The following ANLN variants were observed in gnomAD, a reference collection of about 807,000 sequenced individuals.
ANLN encodes the protein anillin, actin binding protein.
ANLN carries 59 observed loss-of-function variants against 135.1 expected under a neutral mutation model. The ratio of observed to expected loss-of-function variants is 0.44; its 90% CI spans 0.35 to 0.54. The LOEUF is 0.54. Ranked by LOEUF, ANLN falls within the 20% of genes least tolerant of loss-of-function variation. The probability of loss-of-function intolerance (pLI) is 0.00; values close to 1 mark genes in which losing one functional copy is unlikely to be tolerated. For missense variants in ANLN, 1,182 were observed against 1,340.0 expected (o/e 0.88, Z 1.84); for synonymous variants, 406 against 456.4 (o/e 0.89, Z 1.41).
chr7:36,411,008 G>A (rs370025052), intron 6 of ANLN, 51 bp from the exon 7 acceptor site: 73 of 1,499,762 alleles, frequency 4.9e-5, no homozygotes, highest in Middle Eastern at 1.8e-4. Context: ...GTGTTTGGAT[G>A]TTAAACATGC....
chr7:36,425,326 G>A (rs897959677), intron 17 of ANLN, among the ~76,000 whole-genome samples: 4 of 132,230 alleles, frequency 3.0e-5, no homozygotes, highest in Non-Finnish European at 4.7e-5. Context: ...ACGGAGTCTC[G>A]CTCTGTTGCC....
In ANLN at chr7:36,417,094, G is replaced by A. The variant is rs772690246; in HGVS notation, c.1537G>A (p.Glu513Lys). Residue 513 changes from glutamate (E) to lysine (K), a missense_variant, in exon 9 of 24, where the codon GAA (glutamate) becomes AAA (lysine). This residue lies in a region of ANLN where 1,022 missense variants were observed against 1,134.0 expected (regional missense o/e 0.90). Transcript: ENST00000265748. ...STEPKGFTEC[E>K]MTKSSPLKIT... ...AACATTTTTAGGTTTCACTGAATGC[G>A]AAATGACGAAATCTAGCCCTTTGAA... 10 of 1,599,140 alleles carry A rather than the reference G, an allele frequency of 6.3e-6. No individual in the cohort carries two copies. The highest frequency in any genetic ancestry group is 2.3e-5 in the South Asian group (2 of 87,812).
intron 15 of ANLN, among the ~76,000 whole-genome samples, chr7:36,424,233 T>A (rs1439748272): frequency 6.6e-6 from 1 of 152,208 alleles, no homozygotes; most frequent in Non-Finnish European, 1.5e-5. Flanking sequence ...AATCTCATAA[T>A]GTACTTAACA....
intron 21 of ANLN, 127 bp from the exon 22 acceptor site, chr7:36,443,628 A>C (rs1345059146): frequency 8.4e-6 from 5 of 593,942 alleles, no homozygotes; most frequent in Non-Finnish European, 1.5e-5. Flanking sequence ...ATGATAAAAA[A>C]ACATACAAAT....
chr7:36,435,805 G>A (rs1267834556), intron 20 of ANLN, among the ~76,000 whole-genome samples: 3 of 143,372 alleles, frequency 2.1e-5, no homozygotes, highest in Non-Finnish European at 3.0e-5. Context: ...CCTGGGAGGC[G>A]GAGCTTGCAG....
chr7:36,406,556 C>G lies in ANLN; in HGVS notation c.863C>G (p.Ser288Cys). Residue 288 changes from serine to cysteine, a missense_variant, in exon 4 of 24, where the codon TCC (serine) becomes TGC (cysteine). Transcript: ENST00000265748. ...GCGTCTTTGGTTAATGCCTCAATTT[C>G]CAGCTCTGTGGTAAGTCAGTATCAT... ...DDASLVNASI[S>C]SSVKATSPVK... 6.6e-7 allele frequency: 1 copy of G among 1,506,124 alleles called. No individual in the cohort carries two copies. The highest frequency in any genetic ancestry group is 8.9e-7 in the Non-Finnish European group (1 of 1,128,148). The allele number at this position is 1,506,124 out of a possible 1,614,324, so 93.3% of individuals were successfully genotyped here.
intron 20 of ANLN, among the ~76,000 whole-genome samples, chr7:36,437,241 G>C (rs1788583356): frequency 6.6e-6 from 1 of 152,152 alleles, no homozygotes; most frequent in African/African-American, 2.4e-5. Flanking sequence ...CAGCCTTTTG[G>C]ATAAGGTCAA....
intron 20 of ANLN, among the ~76,000 whole-genome samples, chr7:36,427,738 AG>A (rs1252986826): frequency 1.3e-5 from 2 of 152,238 alleles, no homozygotes; most frequent in African/African-American, 4.8e-5. Flanking sequence ...TTAACCTCTT[AG>A]AAAAGTACTT....
chr7:36,434,987 G>A (rs537060606), intron 20 of ANLN, among the ~76,000 whole-genome samples: 10 of 152,170 alleles, frequency 6.6e-5, no homozygotes, highest in Non-Finnish European at 1.0e-4. Context: ...CAGGATTATG[G>A]GAGGGAGCTT....
chr7:36,394,045 T>C (rs1329278666), intron 1 of ANLN, among the ~76,000 whole-genome samples: 1 of 152,138 alleles, frequency 6.6e-6, no homozygotes, highest in Non-Finnish European at 1.5e-5. Context: ...AGCCTTGAAC[T>C]CCTGGGCTGA....
chr7:36,411,816 T>C (rs986640576), intron 7 of ANLN, among the ~76,000 whole-genome samples: 2 of 152,224 alleles, frequency 1.3e-5, no homozygotes, highest in African/African-American at 4.8e-5. Context: ...GCTTAACAAA[T>C]CACATTTCCC....
chr7:36,404,489 T>C (rs1787105031), intron 3 of ANLN, among the ~76,000 whole-genome samples: 1 of 152,230 alleles, frequency 6.6e-6, no homozygotes, highest in Non-Finnish European at 1.5e-5. Context: ...TGGCCATAAC[T>C]TTCATAGTTT....
At chr7:36,432,115 A>AG (rs1185222163) in intron 20 of ANLN, among the ~76,000 whole-genome samples, 1 of 152,200 alleles carries the variant, frequency 6.6e-6, no homozygotes, top group Admixed American at 6.5e-5. Flanking sequence ...CTAGCTATTC[A>AG]GAAGGCTGAG....
At chr7:36,421,356 C>A (rs551340775) in intron 12 of ANLN, among the ~76,000 whole-genome samples, 1 of 152,006 alleles carries the variant, frequency 6.6e-6, no homozygotes, top group South Asian at 2.1e-4. Context: ...GCATGAGCCA[C>A]CATGCCTGGC....
chr7:36,421,796 T>C, intron 12 of ANLN, 61 bp from the exon 13 acceptor site: 4 of 1,463,952 alleles, frequency 2.7e-6, no homozygotes, highest in Non-Finnish European at 3.7e-6. Flanking sequence ...GAATTAAAAT[T>C]TAAAGTGAAA....
chr7:36,410,344 T>G (rs887963180), intron 5 of ANLN, among the ~76,000 whole-genome samples, 170 bp from the exon 6 acceptor site: 1 of 152,166 alleles, frequency 6.6e-6, no homozygotes, highest in Non-Finnish European at 1.5e-5. Flanking sequence ...TTAAATAGAA[T>G]AGTAAACTTT....
At chr7:36,404,631 A>C (rs577244829) in intron 3 of ANLN, among the ~76,000 whole-genome samples, 61 of 152,202 alleles carry the variant, frequency 4.0e-4, no homozygotes, top group African/African-American at 1.3e-3. Flanking sequence ...GAGAACTTTC[A>C]CCTTTTGACT....
Position 36,417,163 on chromosome 7 carries a change from T to C in ANLN, c.1606T>C (p.Ser536Pro). Reference protein sequence around the residue: ...LEEDKSLKVTSDPKVEQKIEV... With the variant: ...LEEDKSLKVTPDPKVEQKIEV... The stretch of plus-strand genomic sequence containing the variant: ...AGAGGACAAATCCTTAAAAGTAACA[T>C]CAGACCCAAAGGTTGAGCAGAAAAT... The change falls in exon 9 of 24, where the codon TCA becomes CCA. Residue 536 changes from serine (S) to proline (P), a missense_variant. Ser to Pro is a moderately conservative substitution (Grantham distance 74). Coordinates refer to ENST00000265748, the MANE Select transcript of ANLN (RefSeq NM_018685.5). 1 of 1,607,524 alleles carries C rather than the reference T, an allele frequency of 6.2e-7. No homozygotes were observed. The highest frequency in any genetic ancestry group is 8.5e-7 in the Non-Finnish European group (1 of 1,177,152).
intron 19 of ANLN, among the ~76,000 whole-genome samples, chr7:36,426,489 A>AG (rs138152285): frequency 0.021 from 3,126 of 152,216 alleles, 49 homozygotes; most frequent in Middle Eastern, 0.058. Flanking sequence ...TTTTTCCAAA[A>AG]GGAATTAGGA....
Sources: allele counts gnomAD v4.1 joint callset (sites outside exome capture counted in the v4.1 genomes callset), GRCh38; gene constraint gnomAD v4.1.1; regional missense constraint gnomAD v4.1.1; transcripts MANE v1.5; gene names NCBI Gene and HGNC (gene_info 2026-07-23, HGNC 2026-07-21).